Variants in KIAA1217 observed in about 807,000 individuals in gnomAD.
KIAA1217 encodes the protein sickle tail protein homolog.
In KIAA1217, 88 loss-of-function variants were observed where a neutral mutation model predicts 163.9. That is an observed-to-expected ratio of 0.54 (90% CI 0.45 to 0.64). The LOEUF is 0.64. Ranked by LOEUF, KIAA1217 falls within the 30% of genes least tolerant of loss-of-function variation. KIAA1217 has a pLI of 0.00. For synonymous variants in KIAA1217, 903 were observed against 923.1 expected, an observed-to-expected ratio of 0.98 and a Z score of 0.39; for missense variants, 2,372 against 2,475.0, an observed-to-expected ratio of 0.96 and a Z score of 0.88.
intron 2 of KIAA1217, among the ~76,000 whole-genome samples, chr10:24,191,682 CAG>C (rs1249362453): frequency 1.3e-5 from 2 of 152,150 alleles, no homozygotes; most frequent in African/African-American, 4.8e-5. Context: ...TAGTGGGTAA[CAG>C]ATTTCATTGC....
chr10:24,159,568 A>G (rs2065025569), intron 2 of KIAA1217, among the ~76,000 whole-genome samples: 2 of 152,050 alleles, frequency 1.3e-5, no homozygotes, highest in South Asian at 4.2e-4. Context: ...TCACGAGGTC[A>G]GGAGATCAAG....
In KIAA1217 at chr10:24,380,887, T is replaced by C. The variant is rs866873247; in HGVS notation, c.373T>C (p.Ser125Pro). Reference sequence around the variant, plus strand: ...TTTGCAGACAAGGAGCCCCAAACTGTCTCACAGTCCTCAACCACCCAGTCT... The same window carrying C: ...TTTGCAGACAAGGAGCCCCAAACTGCCTCACAGTCCTCAACCACCCAGTCT... ...LRDQTRSPKL[S>P]HSPQPPSLGD... Residue 125 changes from serine (S) to proline (P), a missense_variant, in exon 3 of 21, where the codon TCT (serine) becomes CCT (proline). Ser to Pro is a moderately conservative substitution (Grantham distance 74, BLOSUM62 -1). This residue lies in a region of KIAA1217 where 1,431 missense variants were observed against 1,470.3 expected (regional missense o/e 0.97). Transcript: ENST00000376454. 3.2e-6 allele frequency: 5 copies of C among 1,562,928 alleles called. No individual in the cohort carries two copies. In the East Asian group the frequency reaches 1.1e-4, roughly 36 times the overall value.
intron 2 of KIAA1217, among the ~76,000 whole-genome samples, chr10:24,320,883 A>G (rs930130758): frequency 1.3e-5 from 2 of 151,982 alleles, no homozygotes. Context: ...CTCTACTAAA[A>G]ATACAAAACC....
chr10:23,984,170 C>A (rs938920543), intron 1 of KIAA1217, among the ~76,000 whole-genome samples: 1 of 152,198 alleles, frequency 6.6e-6, no homozygotes, highest in Non-Finnish European at 1.5e-5. Context: ...CATGGCTCTT[C>A]ACTCCACCCT....
chr10:23,775,794 A>G (rs1185733319), intron 1 of KIAA1217, among the ~76,000 whole-genome samples: 2 of 151,962 alleles, frequency 1.3e-5, no homozygotes, highest in Non-Finnish European at 2.9e-5. Context: ...ACAAATCTGG[A>G]TTTTCTTCCT....
At chr10:24,083,173 C>A (rs1321318353) in intron 2 of KIAA1217, among the ~76,000 whole-genome samples, 1 of 152,128 alleles carries the variant, frequency 6.6e-6, no homozygotes, top group Non-Finnish European at 1.5e-5. Context: ...ATACTGAAAT[C>A]AACCTTTTGT....
chr10:24,246,036 C>T (rs571373843), intron 2 of KIAA1217, among the ~76,000 whole-genome samples: 1 of 152,086 alleles, frequency 6.6e-6, no homozygotes, highest in African/African-American at 2.4e-5. Context: ...TTTTAATTGT[C>T]TCTTTGAATT....
intron 2 of KIAA1217, among the ~76,000 whole-genome samples, chr10:24,032,407 G>A (rs1848225282): frequency 6.6e-6 from 1 of 152,058 alleles, no homozygotes; most frequent in African/African-American, 2.4e-5. Flanking sequence ...CTACTGCTCA[G>A]GAGTAAGTCT....
intron 2 of KIAA1217, among the ~76,000 whole-genome samples, chr10:24,117,052 G>GT (rs1338829779): frequency 6.6e-6 from 1 of 150,866 alleles, no homozygotes; most frequent in Non-Finnish European, 1.5e-5. Context: ...TTTTGGGTGG[G>GT]GGGGGATGGA....
chr10:24,081,397 G>C lies in KIAA1217; in HGVS notation c.-171+74023G>C, dbSNP rs142998735. On this transcript the variant is annotated intron_variant, in intron 2 of 18. Coordinates refer to the KIAA1217 transcript ENST00000376462. Reference sequence around the variant, plus strand: ...TCTGTCTGTGTTCTGTGGGGGATACGGATGAATGCTGGGATGAGACAGGTG... The same window carrying C: ...TCTGTCTGTGTTCTGTGGGGGATACCGATGAATGCTGGGATGAGACAGGTG... Among the ~76,000 whole-genome samples the C allele has an allele frequency of 6.5e-3, 985 of 152,238 alleles. 6 individuals carry two copies. The highest frequency in any genetic ancestry group is 0.014 in the Middle Eastern group (4 of 294).
intron 1 of KIAA1217, among the ~76,000 whole-genome samples, chr10:23,735,229 T>TTATG (rs1838728624): frequency 6.6e-6 from 1 of 151,838 alleles, no homozygotes; most frequent in Non-Finnish European, 1.5e-5. Context: ...CTGTATTATT[T>TTATG]TATTTATTTA....
At chr10:23,976,813 A>T (rs1845561677) in intron 1 of KIAA1217, among the ~76,000 whole-genome samples, 1 of 152,150 alleles carries the variant, frequency 6.6e-6, no homozygotes, top group Non-Finnish European at 1.5e-5. Context: ...ATGCTATCTC[A>T]CATTGACCAG....
intron 1 of KIAA1217, among the ~76,000 whole-genome samples, chr10:23,761,695 A>C: frequency 6.6e-6 from 1 of 152,164 alleles, no homozygotes; most frequent in African/African-American, 2.4e-5. Context: ...ATTTTAGAAT[A>C]ATTGCCACGT....
intron 1 of KIAA1217, among the ~76,000 whole-genome samples, chr10:23,940,829 C>T (rs1271651458): frequency 1.3e-5 from 2 of 152,226 alleles, no homozygotes; most frequent in Non-Finnish European, 2.9e-5. Context: ...TTAAACAACA[C>T]ACTTCTGAAT....
chr10:24,361,650 T>G (rs950820763), intron 2 of KIAA1217, among the ~76,000 whole-genome samples: 1 of 152,096 alleles, frequency 6.6e-6, no homozygotes, highest in African/African-American at 2.4e-5. Flanking sequence ...TGTAGATAAC[T>G]GTAGATTATT....
At chr10:24,217,383 A>C (rs1404546041) in intron 1 of KIAA1217, among the ~76,000 whole-genome samples, 2 of 152,210 alleles carry the variant, frequency 1.3e-5, no homozygotes, top group Non-Finnish European at 2.9e-5. Context: ...ACTAATGAAA[A>C]GTAGAAGAAT....
chr10:23,857,081 A>G (rs1051747661), intron 1 of KIAA1217, among the ~76,000 whole-genome samples: 1 of 152,274 alleles, frequency 6.6e-6, no homozygotes, highest in East Asian at 1.9e-4. Context: ...ATGGAAATGC[A>G]GAAATCACCC....
Position 24,543,125 on chromosome 10 carries a change from A to T in KIAA1217, c.3855A>T (p.Lys1285Asn). Residue 1285 changes from lysine to asparagine, a missense_variant, in exon 19 of 21, where the codon AAA (lysine) becomes AAT (asparagine). Around this residue, in one of 3 missense-constraint regions of KIAA1217, gnomAD observed 251 missense variants for 327.3 expected, o/e 0.77. Coordinates refer to ENST00000376454, the MANE Select transcript of KIAA1217 (RefSeq NM_019590.5). ...PLEDEINKGS[K>N]ISGLQYSIPD... is the part of the protein sequence containing the mutation. ...AAGATGAAATAAACAAAGGGTCTAA[A>T]ATCTCAGGCCTGCAATACTCTATAC... The T allele has an allele frequency of 6.2e-7, 1 of 1,613,650 alleles. No homozygotes were observed. Among genetic ancestry groups the T allele is most frequent in the Non-Finnish European group, 8.5e-7 (1 of 1,180,038 alleles).
intron 2 of KIAA1217, among the ~76,000 whole-genome samples, chr10:24,109,369 G>A (rs1230438010): frequency 1.3e-5 from 2 of 151,462 alleles, no homozygotes; most frequent in South Asian, 2.1e-4. Context: ...TAACTTTTTG[G>A]TTGAACTGTG....
Sources: gnomAD v4.1 joint callset for allele counts (sites outside exome capture counted in the v4.1 genomes callset) on GRCh38, gnomAD v4.1.1 for gene constraint, gnomAD v4.1.1 regional missense constraint, MANE v1.5 for transcripts, NCBI Gene and HGNC (gene_info 2026-07-23, HGNC 2026-07-21) for gene names.